The following CCDC30 variants were observed in gnomAD, a reference collection of about 807,000 sequenced individuals.
CCDC30 encodes the protein coiled-coil domain-containing protein 30.
A neutral mutation model predicts 100.2 loss-of-function variants in CCDC30; 70 were observed. The ratio of observed to expected loss-of-function variants is 0.70; its 90% CI spans 0.58 to 0.85. The LOEUF is 0.85. Ranked by LOEUF, CCDC30 falls within the 40% of genes least tolerant of loss-of-function variation. The probability of loss-of-function intolerance (pLI) is 0.00; values close to 1 mark genes in which losing one functional copy is unlikely to be tolerated. For synonymous variants in CCDC30, 233 were observed against 269.5 expected (o/e 0.86, Z 1.33); for missense variants, 652 against 771.2 (o/e 0.85, Z 1.83).
At chr1:42,552,529 A>C (rs538648555) in intron 6 of CCDC30, among the ~76,000 whole-genome samples, 1 of 152,184 alleles carries the variant, frequency 6.6e-6, no homozygotes, top group South Asian at 2.1e-4. Flanking sequence ...AGACACCTTC[A>C]TATATATTAA....
At chr1:42,519,710 C>A (rs1644606866) in intron 6 of CCDC30, among the ~76,000 whole-genome samples, 2 of 152,106 alleles carry the variant, frequency 1.3e-5, no homozygotes, top group South Asian at 4.1e-4. Flanking sequence ...TGCCACCATG[C>A]CTGGCTAATT....
intron 6 of CCDC30, among the ~76,000 whole-genome samples, chr1:42,518,480 C>G (rs1203631767): frequency 6.6e-6 from 1 of 152,134 alleles, no homozygotes; most frequent in Non-Finnish European, 1.5e-5. Context: ...ACTGTGTTTT[C>G]ATTGTACCTT....
chr1:42,546,914 C>G (rs879354348), intron 6 of CCDC30, among the ~76,000 whole-genome samples: 18 of 152,042 alleles, frequency 1.2e-4, no homozygotes, highest in Non-Finnish European at 2.4e-4. Context: ...ACAATGATGT[C>G]AATTTTGACA....
intron 11 of CCDC30, among the ~76,000 whole-genome samples, chr1:42,616,297 T>C (rs1196316440): frequency 2.0e-5 from 3 of 152,232 alleles, no homozygotes; most frequent in African/African-American, 7.2e-5. Flanking sequence ...TGGTGGATTC[T>C]GACCCCGCTG....
intron 6 of CCDC30, among the ~76,000 whole-genome samples, chr1:42,543,005 C>T (rs1350471512): frequency 2.6e-5 from 4 of 152,090 alleles, no homozygotes; most frequent in Non-Finnish European, 5.9e-5. Flanking sequence ...ATATTTTTTC[C>T]TGCTTACAAA....
At chr1:42,463,074 C>T (rs1215230609), upstream of CCDC30, among the ~76,000 whole-genome samples, 1 of 152,252 alleles carries the variant, frequency 6.6e-6, no homozygotes, top group Non-Finnish European at 1.5e-5. Context: ...AAACGCTCGA[C>T]ATGTTACCAT....
At chr1:42,465,397 T>C (rs1643540985) in intron 1 of CCDC30, among the ~76,000 whole-genome samples, 2 of 152,206 alleles carry the variant, frequency 1.3e-5, no homozygotes, top group African/African-American at 4.8e-5. Context: ...GGAATTTCAC[T>C]CTTGTTGCCC....
At chr1:42,604,480 C>G (rs1271847177) in intron 10 of CCDC30, among the ~76,000 whole-genome samples, 1 of 152,152 alleles carries the variant, frequency 6.6e-6, no homozygotes, top group Non-Finnish European at 1.5e-5. Flanking sequence ...AGGGAAATAA[C>G]CACTGAGGAG....
chr1:42,633,703 A>T (rs924731778), intron 11 of CCDC30, among the ~76,000 whole-genome samples: 1 of 152,164 alleles, frequency 6.6e-6, no homozygotes, highest in Non-Finnish European at 1.5e-5. Flanking sequence ...TGAGGCTAGG[A>T]GTTCGAGACC....
At chr1:42,522,911 T>C (rs1008535221) in intron 6 of CCDC30, among the ~76,000 whole-genome samples, 1 of 152,172 alleles carries the variant, frequency 6.6e-6, no homozygotes, top group African/African-American at 2.4e-5. Context: ...AGTCTCACTC[T>C]GTTGCCCAGG....
intron 4 of CCDC30, chr1:42,492,012 C>A: frequency 1.6e-6 from 1 of 642,294 alleles, no homozygotes; most frequent in Non-Finnish European, 2.7e-6. Flanking sequence ...TGAAGATGTT[C>A]AGGAAAAAAA....
intron 7 of CCDC30, among the ~76,000 whole-genome samples, chr1:42,571,626 T>C (rs1156755423): frequency 1.3e-5 from 2 of 152,330 alleles, no homozygotes; most frequent in South Asian, 2.1e-4. Context: ...ATAAGCGTAT[T>C]ACATTTTTTC....
intron 4 of CCDC30, among the ~76,000 whole-genome samples, chr1:42,496,619 A>C (rs1644236787): frequency 6.6e-6 from 1 of 152,160 alleles, no homozygotes; most frequent in Admixed American, 6.5e-5. Context: ...GTGATCAATA[A>C]AATTTGAGGT....
chr1:42,594,470 T>C (rs896954847), intron 10 of CCDC30: 2 of 152,288 alleles, frequency 1.3e-5, no homozygotes, highest in Non-Finnish European at 1.5e-5. Flanking sequence ...GCTGTGTTTG[T>C]GTCACTGCAC....
intron 3 of CCDC30, among the ~76,000 whole-genome samples, chr1:42,489,397 G>A (rs186261165): frequency 2.4e-4 from 36 of 152,314 alleles, no homozygotes; most frequent in African/African-American, 8.2e-4. Context: ...TAGGAATGCA[G>A]TTTTAGGTGA....
intron 11 of CCDC30, among the ~76,000 whole-genome samples, chr1:42,630,613 C>G (rs973478576): frequency 6.6e-6 from 1 of 150,986 alleles, no homozygotes; most frequent in African/African-American, 2.4e-5. Context: ...AACTCCTGAC[C>G]TCAGGTGACC....
chr1:42,555,761 A>G (rs1205888016), intron 6 of CCDC30, among the ~76,000 whole-genome samples: 1 of 152,092 alleles, frequency 6.6e-6, no homozygotes, highest in African/African-American at 2.4e-5. Flanking sequence ...GTCTTGACTC[A>G]CTGCAACCTC....
chr1:42,607,031 A>G (rs1646515624), intron 10 of CCDC30, among the ~76,000 whole-genome samples: 1 of 152,246 alleles, frequency 6.6e-6, no homozygotes, highest in South Asian at 2.1e-4. Context: ...GGGCATATCT[A>G]TAGATTCTAA....
chr1:42,633,730 C>A (rs958283559), intron 11 of CCDC30, among the ~76,000 whole-genome samples: 1 of 152,014 alleles, frequency 6.6e-6, no homozygotes, highest in African/African-American at 2.4e-5. Context: ...GGCAACATAG[C>A]GAGACCTTGC....
Sources: gnomAD v4.1 joint callset for allele counts (sites outside exome capture counted in the v4.1 genomes callset) on GRCh38, gnomAD v4.1.1 for gene constraint, MANE v1.5 for transcripts, NCBI Gene and HGNC (gene_info 2026-07-23, HGNC 2026-07-21) for gene names.